Variants in PVT1 observed in about 807,000 individuals in gnomAD.
PVT1 encodes the protein Pvt1 oncogene, also known as CXCR4/PVT1 fusion.
At chr8:127,932,847 A>G (rs994862779) in intron 3 of PVT1, among the ~76,000 whole-genome samples, 3 of 152,150 alleles carry the variant, frequency 2.0e-5, no homozygotes, top group South Asian at 2.1e-4. Context: ...TCTATCTCCA[A>G]TGCATGTGGA....
At chr8:128,090,411 G>C (rs1227371632) in intron 5 of PVT1, among the ~76,000 whole-genome samples, 1 of 152,214 alleles carries the variant, frequency 6.6e-6, no homozygotes, top group Non-Finnish European at 1.5e-5. Context: ...CATGGATGGA[G>C]TATAATGAAT....
At chr8:127,844,565 T>C (rs1348277632) in intron 2 of PVT1, among the ~76,000 whole-genome samples, 1 of 152,196 alleles carries the variant, frequency 6.6e-6, no homozygotes, top group Non-Finnish European at 1.5e-5. Flanking sequence ...TCTCCCTGAC[T>C]TCCAATCTTT....
chr8:127,806,813 T>C (rs982740624), intron 2 of PVT1, among the ~76,000 whole-genome samples: 3 of 151,424 alleles, frequency 2.0e-5, no homozygotes, highest in Admixed American at 2.0e-4. Flanking sequence ...CTCTCGGATT[T>C]GTCTTCTTTC....
chr8:128,035,563 CAT>C (rs979064962), intron 4 of PVT1, among the ~76,000 whole-genome samples: 31 of 152,330 alleles, frequency 2.0e-4, no homozygotes, highest in African/African-American at 6.7e-4. Flanking sequence ...CAAGTCAACA[CAT>C]GTGGTCTGCT....
chr8:128,020,335 C>A (rs1214958073), intron 4 of PVT1, among the ~76,000 whole-genome samples: 4 of 152,152 alleles, frequency 2.6e-5, no homozygotes, highest in African/African-American at 9.7e-5. Context: ...CCTTGGTTAT[C>A]CAGGTGGATC....
chr8:127,934,130 A>T (rs1816244308), intron 3 of PVT1, among the ~76,000 whole-genome samples: 1 of 152,184 alleles, frequency 6.6e-6, no homozygotes, highest in African/African-American at 2.4e-5. Context: ...GGCTAAGGTG[A>T]TTGAAAAAGG....
intron 3 of PVT1, among the ~76,000 whole-genome samples, chr8:127,958,026 CAG>C (rs1326711615): frequency 6.6e-6 from 1 of 152,178 alleles, no homozygotes; most frequent in East Asian, 1.9e-4. Flanking sequence ...TAACAGAAAG[CAG>C]AGAGGCACAT....
chr8:127,907,027 A>C lies in PVT1; in HGVS notation n.782+16029A>C, dbSNP rs139560243. ...CCAGGCTGGAGTGCAGTGGCACAAT[A>C]TCAGCTCACTTCAACCTCCCTCTCC... On this transcript the variant is annotated intron_variant and non_coding_transcript_variant, in intron 3 of 10. Coordinates refer to ENST00000651587, the Ensembl canonical transcript of PVT1. Among the ~76,000 whole-genome samples, 50 of 148,098 alleles carry C rather than the reference A, an allele frequency of 3.4e-4. No homozygotes were observed. The East Asian group carries it at 9.5e-3, about 28-fold the overall frequency.
intron 3 of PVT1, among the ~76,000 whole-genome samples, chr8:127,934,454 G>T (rs1453377995): frequency 1.3e-5 from 2 of 152,196 alleles, no homozygotes; most frequent in Non-Finnish European, 2.9e-5. Flanking sequence ...GGCTCTCTCG[G>T]GATGGGAGGA....
intron 2 of PVT1, among the ~76,000 whole-genome samples, chr8:127,882,893 C>CG (rs1815484892): frequency 6.6e-6 from 1 of 152,090 alleles, no homozygotes; most frequent in Admixed American, 6.6e-5. Flanking sequence ...CCCCATTGAC[C>CG]GGGTCTCAGA....
intron 3 of PVT1, among the ~76,000 whole-genome samples, chr8:127,951,774 C>T (rs1249823672): frequency 1.3e-5 from 2 of 151,878 alleles, no homozygotes; most frequent in Non-Finnish European, 2.9e-5. Flanking sequence ...AGCCTCCCTT[C>T]TTTCCATGCT....
chr8:128,070,029 C>CCCTGCATGAGGG (rs1479472837), intron 4 of PVT1: 5 of 152,096 alleles, frequency 3.3e-5, no homozygotes, highest in South Asian at 2.1e-4. Context: ...TTGCTGCAGG[C>CCCTGCATGAGGG]CCTGCATGAG....
intron 2 of PVT1, among the ~76,000 whole-genome samples, chr8:127,861,223 A>G (rs894060780): frequency 2.6e-5 from 4 of 151,934 alleles, no homozygotes; most frequent in African/African-American, 9.7e-5. Context: ...ATCCTTTTTT[A>G]TTGAGACAGA....
chr8:128,008,634 T>C lies in PVT1; in HGVS notation n.912+19343T>C, dbSNP rs995442580. Among the ~76,000 whole-genome samples the C allele has an allele frequency of 8.5e-5, 13 of 152,248 alleles. 1 individual carries two copies. The highest frequency in any genetic ancestry group is 3.1e-4 in the African/African-American group (13 of 41,460). ...GCTGCCTTCTGGGTTCCTCTGCTTC[T>C]CTCTGACATGATGTCTCTACGGATG... On this transcript the variant is annotated intron_variant and non_coding_transcript_variant, in intron 4 of 10. Coordinates refer to ENST00000651587, the Ensembl canonical transcript of PVT1.
chr8:128,000,568 A>G (rs1046602888), intron 4 of PVT1, among the ~76,000 whole-genome samples: 1 of 152,242 alleles, frequency 6.6e-6, no homozygotes, highest in Non-Finnish European at 1.5e-5. Context: ...GAAAGTCTGC[A>G]GGCCCAGAAT....
intron 3 of PVT1, among the ~76,000 whole-genome samples, chr8:127,951,731 T>A (rs1352364430): frequency 6.6e-6 from 1 of 152,224 alleles, no homozygotes; most frequent in African/African-American, 2.4e-5. Context: ...AGGAAGCAGC[T>A]GAGCTGGGAA....
At chr8:128,056,629 C>T (rs907752215) in intron 4 of PVT1, among the ~76,000 whole-genome samples, 1 of 152,160 alleles carries the variant, frequency 6.6e-6, no homozygotes, top group Non-Finnish European at 1.5e-5. Context: ...GAGGCCAATG[C>T]CTAGTGCCTT....
At chr8:127,967,021 G>A (rs551713686) in intron 3 of PVT1, among the ~76,000 whole-genome samples, 16 of 152,266 alleles carry the variant, frequency 1.1e-4, no homozygotes, top group Non-Finnish European at 2.2e-4. Context: ...GGAAAATCCC[G>A]AGGAGGCAGC....
chr8:127,929,978 T>G (rs920038866), intron 3 of PVT1, among the ~76,000 whole-genome samples: 1 of 152,220 alleles, frequency 6.6e-6, no homozygotes, highest in Non-Finnish European at 1.5e-5. Context: ...TAAGGGAGAA[T>G]GTCTTTGCTT....
Sources: gnomAD v4.1 joint callset for allele counts (sites outside exome capture counted in the v4.1 genomes callset) on GRCh38, gnomAD v4.1.1 for gene constraint, MANE v1.5 for transcripts, NCBI Gene and HGNC (gene_info 2026-07-23, HGNC 2026-07-21) for gene names.